The following HOOK3 variants were observed in gnomAD, a reference collection of about 807,000 sequenced individuals.
HOOK3 encodes the protein hook microtubule tethering protein 3.
In HOOK3, 24 loss-of-function variants were observed where a neutral mutation model predicts 116.3. The ratio of observed to expected loss-of-function variants is 0.21; its 90% confidence interval spans 0.15 to 0.29. The LOEUF is 0.29. Ranked by LOEUF, HOOK3 falls within the 10% of genes least tolerant of loss-of-function variation. HOOK3 has a pLI of 1.00. For missense variants in HOOK3, 632 were observed against 830.2 expected, an observed-to-expected ratio of 0.76 and a Z score of 2.93; for synonymous variants, 275 against 283.0, an observed-to-expected ratio of 0.97 and a Z score of 0.28.
At chr8:42,902,382 C>T (rs1034027037) in intron 1 of HOOK3, among the ~76,000 whole-genome samples, 1 of 151,888 alleles carries the variant, frequency 6.6e-6, no homozygotes, top group African/African-American at 2.4e-5. Context: ...AGTGATCCTC[C>T]CACCTCCGCC....
chr8:42,936,457 TG>T (rs1474963076), intron 4 of HOOK3, among the ~76,000 whole-genome samples: 1 of 152,218 alleles, frequency 6.6e-6, no homozygotes, highest in Non-Finnish European at 1.5e-5. Context: ...AGGACATCCT[TG>T]TCTTGTGCCA....
chr8:42,961,765 T>C (rs1808537865), intron 8 of HOOK3, among the ~76,000 whole-genome samples: 2 of 152,200 alleles, frequency 1.3e-5, no homozygotes, highest in Non-Finnish European at 2.9e-5. Flanking sequence ...TGCTTTGTTA[T>C]TTTCTTAAAT....
chr8:42,970,429 ACT>A (rs1808705481), intron 11 of HOOK3, among the ~76,000 whole-genome samples: 1 of 151,676 alleles, frequency 6.6e-6, no homozygotes, highest in East Asian at 1.9e-4. Flanking sequence ...TAAACTCCAA[ACT>A]CTTGGGAATT....
At chr8:42,950,302 T>G (rs990799804) in intron 5 of HOOK3, 86 bp from the exon 6 acceptor site, 1 of 852,848 alleles carries the variant, frequency 1.2e-6, no homozygotes, top group Non-Finnish European at 2.0e-6. Context: ...GGGAAATGAC[T>G]TATAAGAATT....
chr8:43,005,911 G>A (rs1809476934), intron 17 of HOOK3, among the ~76,000 whole-genome samples: 1 of 150,798 alleles, frequency 6.6e-6, no homozygotes, highest in Non-Finnish European at 1.5e-5. Context: ...TGGACAGGCT[G>A]GTCTTGAACT....
At chr8:42,912,266 T>C (rs1015751369) in intron 2 of HOOK3, among the ~76,000 whole-genome samples, 28 of 152,238 alleles carry the variant, frequency 1.8e-4, no homozygotes, top group African/African-American at 6.5e-4. Flanking sequence ...AGTATGCTTT[T>C]TGTTAGTGTA....
chr8:42,946,291 G>A (rs777947470), intron 5 of HOOK3, among the ~76,000 whole-genome samples: 1 of 152,102 alleles, frequency 6.6e-6, no homozygotes, highest in Non-Finnish European at 1.5e-5. Context: ...TTTGGGGTCA[G>A]GGAAGTTATT....
chr8:42,900,982 A>G (rs866244767), intron 1 of HOOK3, among the ~76,000 whole-genome samples: 1 of 152,226 alleles, frequency 6.6e-6, no homozygotes. Flanking sequence ...TTTGAGGACC[A>G]TGGCTCTAGA....
At chr8:43,017,445 T>C (rs1279448608) in intron 21 of HOOK3, among the ~76,000 whole-genome samples, 5 of 152,082 alleles carry the variant, frequency 3.3e-5, no homozygotes, top group Non-Finnish European at 7.4e-5. Context: ...TTTTATTATT[T>C]TAGAGAGGGG....
chr8:42,943,586 T>G (rs1185050797), intron 5 of HOOK3, 141 bp downstream of exon 5: 1 of 463,958 alleles, frequency 2.2e-6, no homozygotes, highest in Admixed American at 4.5e-5. Context: ...TCTACAGTTT[T>G]ACTAGTAATT....
chr8:42,930,069 A>G (rs559607603), intron 3 of HOOK3, 53 bp from the exon 4 acceptor site: 11 of 1,506,280 alleles, frequency 7.3e-6, no homozygotes, highest in East Asian at 7.1e-5. Context: ...ATGTTAAATT[A>G]TGTTTTGATC....
At chr8:42,921,636 C>T (rs934845990) in intron 2 of HOOK3, among the ~76,000 whole-genome samples, 9 of 152,178 alleles carry the variant, frequency 5.9e-5, no homozygotes, top group Admixed American at 1.3e-4. Flanking sequence ...AGCCCCTATC[C>T]TTTTGGCTAC....
intron 2 of HOOK3, among the ~76,000 whole-genome samples, chr8:42,919,425 G>T (rs1468443993): frequency 6.6e-6 from 1 of 150,864 alleles, no homozygotes; most frequent in Non-Finnish European, 1.5e-5. Flanking sequence ...CCAGACGATG[G>T]GCGGCTGGGC....
At position 42,944,436 on chromosome 8, in the gene HOOK3, C is replaced by T. The variant is rs1291853436; in HGVS notation, c.400+991C>T. 3.3e-5 allele frequency among the ~76,000 whole-genome samples: 5 copies of T among 152,038 alleles called. No individual in the cohort carries two copies. The East Asian group carries it at 9.7e-4, about 30-fold the overall frequency. ...GTCTCAAAAAAAGAGAAAAATGCCA[C>T]AGGATATTTTGTAGTAACATACTCT... On this transcript the variant is annotated intron_variant, in intron 5 of 21. Coordinates refer to ENST00000307602, the MANE Select transcript of HOOK3 (RefSeq NM_032410.4).
chr8:43,022,304 C>T lies in HOOK3; in HGVS notation c.*3806C>T, dbSNP rs1022411770. On this transcript the variant is annotated 3_prime_UTR_variant, in exon 22 of 22. Transcript: ENST00000307602. ...AAAGTCACTAGGAGCTTTGCCTCATCGTGAGTGATGCTGTGCTGTATTTTT... is the reference window on the plus strand; with the variant it reads ...AAAGTCACTAGGAGCTTTGCCTCATTGTGAGTGATGCTGTGCTGTATTTTT... 2.9e-5 allele frequency: 6 copies of T among 206,328 alleles called. No individual in the cohort carries two copies. The highest frequency in any genetic ancestry group is 5.9e-5 in the Admixed American group (1 of 16,820). The allele number at this position is 206,328 out of a possible 1,614,324, so 12.8% of individuals were successfully genotyped here. A position where few individuals can be genotyped will look rare whatever the true frequency, so the allele number is the denominator to read the frequency against.
intron 2 of HOOK3, among the ~76,000 whole-genome samples, chr8:42,908,340 G>T (rs1479493999): frequency 6.6e-6 from 1 of 151,966 alleles, no homozygotes; most frequent in East Asian, 1.9e-4. Flanking sequence ...AATGACAAAA[G>T]ACCCCAAATA....
In HOOK3 at chr8:43,004,563, C is replaced by G. The variant is rs546544322; in HGVS notation, c.1655+2422C>G. Among the ~76,000 whole-genome samples the G allele has an allele frequency of 2.0e-5, 3 of 151,254 alleles. No individual in the cohort carries two copies. The East Asian group carries it at 5.8e-4, about 29-fold the overall frequency. ...AGGCATGGTGGCGCATGCCTGTAAT[C>G]CCAGCTACTTGCAAGGCTGAGGCAG... On this transcript the variant is annotated intron_variant, in intron 17 of 21. Coordinates refer to ENST00000307602, the MANE Select transcript of HOOK3 (RefSeq NM_032410.4).
chr8:42,966,785 C>T (rs1808640408), intron 10 of HOOK3, among the ~76,000 whole-genome samples, 172 bp downstream of exon 10: 1 of 152,142 alleles, frequency 6.6e-6, no homozygotes, highest in Non-Finnish European at 1.5e-5. Context: ...GGAAACAATA[C>T]ACATGCCTAC....
chr8:42,992,947 T>A (rs1809195525), intron 15 of HOOK3, among the ~76,000 whole-genome samples: 1 of 152,162 alleles, frequency 6.6e-6, no homozygotes, highest in South Asian at 2.1e-4. Flanking sequence ...GCTATGGGTC[T>A]CTCGTATGTA....
Sources: gnomAD v4.1 joint callset for allele counts (sites outside exome capture counted in the v4.1 genomes callset) on GRCh38, gnomAD v4.1.1 for gene constraint, MANE v1.5 for transcripts, NCBI Gene and HGNC (gene_info 2026-07-23, HGNC 2026-07-21) for gene names.